HECTD4: variants seen among roughly 807,000 people sequenced by gnomAD.
The protein encoded by HECTD4 is probable E3 ubiquitin-protein ligase HECTD4.
A neutral mutation model predicts 471.5 loss-of-function variants in HECTD4; 114 were observed. The ratio of observed to expected loss-of-function variants is 0.24; its 90% CI spans 0.21 to 0.28. The LOEUF (loss-of-function observed/expected upper bound fraction) is 0.28. HECTD4 is among the 10% of genes least tolerant of loss of function. The pLI is 1.00. For synonymous variants in HECTD4, 2,012 were observed against 2,256.0 expected, an observed-to-expected ratio of 0.89 and a Z score of 3.07; for missense variants, 3,866 against 5,651.5, an observed-to-expected ratio of 0.68 and a Z score of 10.13.
rs1476501560 is a variant in HECTD4 at position 112,221,926 on chromosome 12, TC to T, written c.6971-2438del. On this transcript the variant is annotated intron_variant, in intron 44 of 75. Transcript: ENST00000682272. Reference sequence around the variant, plus strand: ...CTCGCCCCCATGCTCGGCTGATTTTTCTTTTTTTTTTTTTTGAGACGGAGTC... The same window carrying T: ...CTCGCCCCCATGCTCGGCTGATTTTTTTTTTTTTTTTTTTGAGACGGAGTC... Among the ~76,000 whole-genome samples the T allele has an allele frequency of 6.1e-3, 906 of 147,530 alleles. 13 individuals are homozygous for T. Among genetic ancestry groups the T allele is most frequent in the African/African-American group, 0.022 (865 of 38,888 alleles).
At chr12:112,198,622 GA>G in intron 55 of HECTD4, among the ~76,000 whole-genome samples, 1 of 152,152 alleles carries the variant, frequency 6.6e-6, no homozygotes, top group Non-Finnish European at 1.5e-5. Context: ...CTCTCTTGAG[GA>G]AAAAGGATGG....
chr12:112,306,184 G>A lies in HECTD4; in HGVS notation c.1215C>T (p.Thr405=), dbSNP rs543824308. 3.6e-5 allele frequency: 57 copies of A among 1,602,502 alleles called. 1 individual carries two copies. The South Asian group carries it at 6.1e-4, about 17-fold the overall frequency. The change falls in exon 7 of 76, where the codon ACC becomes ACT. Residue 405 remains threonine (T), a synonymous_variant. Coordinates refer to ENST00000682272, the MANE Select transcript of HECTD4 (RefSeq NM_001388303.1). ...CTGAAGACAGGTGCACAGTGCTCAT[G>A]GTGCTGCCAATGGGGAGGTGATTGG... The part of the protein sequence containing the change: ...MPANHLPIGS[T]MSTVHLSSDG...
At chr12:112,261,223 A>G (rs1209714912) in intron 18 of HECTD4, 82 bp downstream of exon 18, 4 of 1,385,474 alleles carry the variant, frequency 2.9e-6, no homozygotes, top group Non-Finnish European at 3.8e-6. Flanking sequence ...TGATCCTTCT[A>G]TATTCTAAAA....
In HECTD4 at chr12:112,167,297, G is replaced by A. The variant is rs1434844124; in HGVS notation, c.12534+20C>T. The A allele has an allele frequency of 1.3e-6, 2 of 1,593,914 alleles. No homozygotes were observed. Among genetic ancestry groups the A allele is most frequent in the Admixed American group, 3.4e-5 (2 of 58,724 alleles). On this transcript the variant is annotated intron_variant, in intron 72 of 75. Transcript: ENST00000682272. The stretch of plus-strand genomic sequence containing the variant: ...AGGCCCCGGGTTCTGCAGCCCCCCA[G>A]AACTGTGCCTTGCACTCACGCTCTC...
In HECTD4 at chr12:112,162,794, C is replaced by G; in HGVS notation, c.13120+248G>C. ...TTTTTTTTTTTTTTTAACCATTTTT[C>G]TGCATTTAAAAGTTAGAAGATTTGA... On this transcript the variant is annotated intron_variant, in intron 75 of 75. Transcript: ENST00000682272. This position sits in a 1 kb window ranked among gnomAD's most constrained non-coding sequence, Gnocchi z 5.2. 5.7e-6 allele frequency: 3 copies of G among 524,290 alleles called. No individual in the cohort carries two copies. The highest frequency in any genetic ancestry group is 3.1e-5 in the South Asian group (1 of 32,686). 32.5% of individuals were successfully genotyped at this position (524,290 alleles called of 1,614,324 possible). A position where few individuals can be genotyped will look rare whatever the true frequency, so the allele number is the denominator to read the frequency against.
At chr12:112,343,918 T>C (rs1209543907) in intron 1 of HECTD4, among the ~76,000 whole-genome samples, 1 of 152,176 alleles carries the variant, frequency 6.6e-6, no homozygotes, top group Non-Finnish European at 1.5e-5. Context: ...AAAAAACAAG[T>C]TGCAAAAATA....
rs896435388 is a variant in HECTD4 at position 112,231,264 on chromosome 12, C to T, written c.6200+249G>A. 7.3e-6 allele frequency: 4 copies of T among 545,142 alleles called. No homozygotes were observed. In the African/African-American group the frequency reaches 7.6e-5, roughly 10 times the overall value. 33.8% of individuals were successfully genotyped at this position (545,142 alleles called of 1,614,324 possible). On this transcript the variant is annotated intron_variant, in intron 39 of 75. Transcript: ENST00000682272. ...GTTTATTAATACTACTCAAAAGAAT[C>T]CTCTGGCTATAAATGTCCCCTCAGC... is the stretch of plus-strand genomic sequence containing the variant.
chr12:112,270,020 A>G (rs755118936), intron 12 of HECTD4, among the ~76,000 whole-genome samples, 171 bp from the exon 13 acceptor site: 3 of 152,234 alleles, frequency 2.0e-5, no homozygotes, highest in Non-Finnish European at 4.4e-5. Flanking sequence ...TATTTTGCAT[A>G]TATTAATTGT....
Position 112,256,316 on chromosome 12 carries a change from T to C in HECTD4, c.3327+4A>G. ...GAACCAATAGTAACCCAGTTCTTAC[T>C]TACTTTGTCATAGTCATATTGCGAA... On this transcript the variant is annotated splice_donor_region_variant and intron_variant, in intron 21 of 75. Transcript: ENST00000682272. 1.3e-6 allele frequency: 2 copies of C among 1,566,610 alleles called. No individual in the cohort carries two copies. The highest frequency in any genetic ancestry group is 1.7e-6 in the Non-Finnish European group (2 of 1,158,976).
At chr12:112,215,491 A>G (rs752647312) in intron 48 of HECTD4, among the ~76,000 whole-genome samples, 3 of 152,300 alleles carry the variant, frequency 2.0e-5, no homozygotes, top group African/African-American at 4.8e-5. Flanking sequence ...CAACTACTAT[A>G]CAGATCTAGT....
chr12:112,248,325 G>A lies in HECTD4; in HGVS notation c.4138C>T (p.Leu1380=). Residue 1380 remains leucine (L), a synonymous_variant, in exon 26 of 76, where the codon CTG becomes TTG. Coordinates refer to ENST00000682272, the MANE Select transcript of HECTD4 (RefSeq NM_001388303.1). ...AACAGTTATCAGACATTTACCTGCA[G>A]CTGTCTCTCCATGGCATTGAGTTTC... ...FKKLNAMERQ[L]QSVAELEQKW... The A allele has an allele frequency of 6.3e-7, 1 of 1,579,092 alleles. No homozygotes were observed. Among genetic ancestry groups the A allele is most frequent in the Non-Finnish European group, 8.6e-7 (1 of 1,160,670 alleles).
intron 7 of HECTD4, chr12:112,302,360 G>T: frequency 1.3e-6 from 1 of 756,782 alleles, no homozygotes; most frequent in East Asian, 2.5e-5. Flanking sequence ...CTTTGTCTCT[G>T]GTCTGTATTT....
chr12:112,239,139 G>C lies in HECTD4; in HGVS notation c.5203C>G (p.Gln1735Glu), dbSNP rs749102697. The C allele has an allele frequency of 6.2e-7, 1 of 1,613,952 alleles. No homozygotes were observed. The highest frequency in any genetic ancestry group is 8.5e-7 in the Non-Finnish European group (1 of 1,179,860). Residue 1735 changes from glutamine to glutamate, a missense_variant, in exon 34 of 76, where the codon CAG becomes GAG. Gln to Glu is a conservative substitution (Grantham distance 29). This residue lies in a region of HECTD4 where 229 missense variants were observed against 386.4 expected (regional missense o/e 0.59). Coordinates refer to ENST00000682272, the MANE Select transcript of HECTD4 (RefSeq NM_001388303.1). This position sits in a 1 kb window ranked among gnomAD's most constrained non-coding sequence, Gnocchi z 4.9. ...NQTESSSSEK[Q>E]TKKQKVATMA... is the part of the protein sequence containing the mutation. ...GTGGCCACCTTCTGCTTCTTGGTCT[G>C]TTTCTCACTGGAGCTGGACTCGGTC...
chr12:112,240,648 G>T (rs1031121745), intron 32 of HECTD4, among the ~76,000 whole-genome samples: 1 of 151,692 alleles, frequency 6.6e-6, no homozygotes, highest in African/African-American at 2.4e-5. Flanking sequence ...ATGATGTTTC[G>T]CTATGTTGCC....
intron 54 of HECTD4, chr12:112,203,365 G>A (rs7956545): frequency 2.6e-5 from 8 of 308,930 alleles, no homozygotes; most frequent in Middle Eastern, 8.9e-4. Flanking sequence ...TGAACATGTC[G>A]GACAGAAAAT....
chr12:112,310,108 T>G (rs1229827464), intron 4 of HECTD4, among the ~76,000 whole-genome samples: 1 of 152,192 alleles, frequency 6.6e-6, no homozygotes, highest in Non-Finnish European at 1.5e-5. Context: ...TGAACCTCTT[T>G]GAACGTCAGT....
chr12:112,336,682 T>C (rs1403546342), intron 1 of HECTD4, among the ~76,000 whole-genome samples: 2 of 152,060 alleles, frequency 1.3e-5, no homozygotes, highest in East Asian at 1.9e-4. Context: ...TAAATATTTA[T>C]AGATAAGATA....
At chr12:112,240,472 C>T (rs1290935803) in intron 32 of HECTD4, among the ~76,000 whole-genome samples, 1 of 149,748 alleles carries the variant, frequency 6.7e-6, no homozygotes, top group East Asian at 2.0e-4. Context: ...TTTTTAGAGA[C>T]AGGGTCTTGG....
In HECTD4 at chr12:112,184,568, T is replaced by C. The variant is rs2031791511; in HGVS notation, c.10398A>G (p.Thr3466=). The C allele has an allele frequency of 1.2e-6, 2 of 1,613,622 alleles. No individual in the cohort carries two copies. Among genetic ancestry groups the C allele is most frequent in the Non-Finnish European group, 1.7e-6 (2 of 1,179,866 alleles). ...TGGACGTGCTGACCTCCATGCTGTC[T>C]GTGCCGGGGAAGGCCAGTGTCTTCT... is the stretch of plus-strand genomic sequence containing the variant. The part of the protein sequence containing the change: ...EPEKTLAFPG[T]DSMEVSTSSS... The change falls in exon 61 of 76, where the codon ACA becomes ACG. Residue 3466 remains threonine, a synonymous_variant. Coordinates refer to ENST00000682272, the MANE Select transcript of HECTD4 (RefSeq NM_001388303.1). This position sits in a 1 kb window ranked among gnomAD's most constrained non-coding sequence, Gnocchi z 9.1.
Sources: allele counts gnomAD v4.1 joint callset (sites outside exome capture counted in the v4.1 genomes callset), GRCh38; gene constraint gnomAD v4.1.1; regional missense constraint gnomAD v4.1.1; non-coding constraint Gnocchi (gnomAD v3.1); transcripts MANE v1.5; gene names NCBI Gene and HGNC (gene_info 2026-07-23, HGNC 2026-07-21).